Variants in TMPRSS6 observed in about 807,000 individuals in gnomAD.
TMPRSS6 encodes the protein transmembrane protease serine 6.
In TMPRSS6, 67 loss-of-function variants were observed where a neutral mutation model predicts 101.5. That is an observed-to-expected ratio of 0.66 (90% CI 0.54 to 0.81). The LOEUF (loss-of-function observed/expected upper bound fraction) is 0.81. Ranked by LOEUF, TMPRSS6 falls within the 30% of genes least tolerant of loss-of-function variation. The pLI is 0.00. For missense variants in TMPRSS6, 1,034 were observed against 1,088.7 expected, an observed-to-expected ratio of 0.95 and a Z score of 0.71; for synonymous variants, 453 against 464.9, an observed-to-expected ratio of 0.97 and a Z score of 0.33.
At chr22:37,090,668 A>T (rs577438084) in intron 6 of TMPRSS6, among the ~76,000 whole-genome samples, 39 of 152,316 alleles carry the variant, frequency 2.6e-4, no homozygotes, top group African/African-American at 9.4e-4. Context: ...GGCCAGACAC[A>T]TCTGGGTTTG....
chr22:37,066,310 G>A, intron 17 of TMPRSS6, 72 bp from the exon 18 acceptor site: 1 of 1,432,192 alleles, frequency 7.0e-7, no homozygotes, highest in Admixed American at 2.2e-5. Context: ...GAGCCATAGG[G>A]ATTAAGTCCT....
At chr22:37,071,297 C>T (rs900485931) in intron 13 of TMPRSS6, among the ~76,000 whole-genome samples, 1 of 152,104 alleles carries the variant, frequency 6.6e-6, no homozygotes, top group Non-Finnish European at 1.5e-5. Flanking sequence ...CATGCCTCCC[C>T]CTCCAGTGTG....
At position 37,101,940 on chromosome 22, in the gene TMPRSS6, C is replaced by T. The variant is rs1324256746; in HGVS notation, c.202+1276G>A. Among the ~76,000 whole-genome samples, 2 of 152,310 alleles carry T rather than the reference C, an allele frequency of 1.3e-5. No individual in the cohort carries two copies. The highest frequency in any genetic ancestry group is 6.5e-5 in the Admixed American group (1 of 15,306). On this transcript the variant is annotated intron_variant, in intron 2 of 17. Transcript: ENST00000676104. This position sits in a 1 kb window ranked among gnomAD's most constrained non-coding sequence, Gnocchi z 4.1. Reference sequence around the variant, plus strand: ...AAATGCACATGGCGTCTACTGCCTGCGTTGCTCAACTCTGGGTAGAATCAC... The same window carrying T: ...AAATGCACATGGCGTCTACTGCCTGTGTTGCTCAACTCTGGGTAGAATCAC...
At chr22:37,081,229 T>C (rs1430958485) in intron 10 of TMPRSS6, among the ~76,000 whole-genome samples, 6 of 152,224 alleles carry the variant, frequency 3.9e-5, no homozygotes, top group African/African-American at 1.4e-4. Context: ...GCACTTGACC[T>C]AAGCCCGCGT....
chr22:37,097,847 C>T (rs112038314), intron 3 of TMPRSS6, among the ~76,000 whole-genome samples: 2 of 89,026 alleles, frequency 2.2e-5, no homozygotes, highest in African/African-American at 4.6e-5. Context: ...GGGGGAAGAG[C>T]GGGCCACCGT....
chr22:37,066,718 G>T (rs1223362701), intron 17 of TMPRSS6, 108 bp downstream of exon 17: 1 of 1,472,498 alleles, frequency 6.8e-7, no homozygotes, highest in Non-Finnish European at 9.4e-7. Flanking sequence ...CACCTTGCTG[G>T]GAGGATGGGA....
intron 11 of TMPRSS6, 67 bp from the exon 12 acceptor site, chr22:37,074,775 G>A (rs566696914): frequency 1.6e-5 from 24 of 1,525,820 alleles, no homozygotes; most frequent in Middle Eastern, 1.7e-4. Context: ...CCGCGAAGGC[G>A]CACAAAGACA....
intron 16 of TMPRSS6, 112 bp from the exon 17 acceptor site, chr22:37,067,074 G>A: frequency 6.6e-7 from 1 of 1,512,926 alleles, no homozygotes; most frequent in Non-Finnish European, 9.0e-7. Flanking sequence ...CTCCTGCTCT[G>A]CCCACCCTTA....
At chr22:37,072,814 ATGAT>A (rs1487169618) in intron 13 of TMPRSS6, among the ~76,000 whole-genome samples, 1 of 138,346 alleles carries the variant, frequency 7.2e-6, no homozygotes, top group East Asian at 2.3e-4. Flanking sequence ...GGATGGATGG[ATGAT>A]GGATGGATGG....
At chr22:37,087,743 G>A (rs1345959377) in intron 7 of TMPRSS6, among the ~76,000 whole-genome samples, 4 of 152,114 alleles carry the variant, frequency 2.6e-5, no homozygotes, top group Non-Finnish European at 5.9e-5. Flanking sequence ...TGGGAGGTGG[G>A]AGATACGATA....
intron 1 of TMPRSS6, among the ~76,000 whole-genome samples, chr22:37,106,383 T>C (rs2235329): frequency 0.36 from 53,898 of 151,712 alleles, 10,409 homozygotes; most frequent in Non-Finnish European, 0.42. Context: ...TTGGTGGGCC[T>C]CCCCTCCCCT....
In TMPRSS6 at chr22:37,076,083, A is replaced by C. The variant is rs562037695; in HGVS notation, c.1197-803T>G. Among the ~76,000 whole-genome samples, 4 of 151,736 alleles carry C rather than the reference A, an allele frequency of 2.6e-5. No individual in the cohort carries two copies. In the East Asian group the frequency reaches 7.7e-4, roughly 29 times the overall value. On this transcript the variant is annotated intron_variant, in intron 10 of 17. Coordinates refer to ENST00000676104, the MANE Select transcript of TMPRSS6 (RefSeq NM_001374504.1). ...AAGAAAAAAGAAAAGAAAAGAAAGA[A>C]AGAGAAAGAAAGAAAGGAAAAATTA...
At position 37,096,095 on chromosome 22, in the gene TMPRSS6, G is replaced by C; in HGVS notation, c.405-5C>G. 1 of 1,614,114 alleles carries C rather than the reference G, an allele frequency of 6.2e-7. No individual in the cohort carries two copies. Among genetic ancestry groups the C allele is most frequent in the East Asian group, 2.2e-5 (1 of 44,882 alleles). ...AAGCAGGTGAGGGGTCCCTCCCTAA[G>C]GCAGGCAGAAGTGAGAGAGGCCAGG... On this transcript the variant is annotated splice_polypyrimidine_tract_variant and splice_region_variant and intron_variant, in intron 4 of 17. Transcript: ENST00000676104.
rs41283231 is a variant in TMPRSS6 at position 37,066,269 on chromosome 22, C to G, written c.2251-31G>C. The G allele has an allele frequency of 8.7e-5, 138 of 1,583,924 alleles. 2 individuals carry two copies. The South Asian group carries it at 1.5e-3, about 18-fold the overall frequency. On this transcript the variant is annotated intron_variant, in intron 17 of 17. Coordinates refer to ENST00000676104, the MANE Select transcript of TMPRSS6 (RefSeq NM_001374504.1). ...AGGGGGAAAGGAGAAAGGACTGAAGCAGGGTAAGGGCACCCCCTTTTCCAG... is the reference window on the plus strand; with the variant it reads ...AGGGGGAAAGGAGAAAGGACTGAAGGAGGGTAAGGGCACCCCCTTTTCCAG...
In TMPRSS6 at chr22:37,066,815, G is replaced by C; in HGVS notation, c.2250+11C>G. 1 of 1,614,056 alleles carries C rather than the reference G, an allele frequency of 6.2e-7. No individual in the cohort carries two copies. The highest frequency in any genetic ancestry group is 8.5e-7 in the Non-Finnish European group (1 of 1,179,980). On this transcript the variant is annotated intron_variant, in intron 17 of 17. Coordinates refer to ENST00000676104, the MANE Select transcript of TMPRSS6 (RefSeq NM_001374504.1). ...TCCCTCCTCTCTCCCTCCCATGCCC[G>C]GGGGACTCACCTGACAGGCATCCTT...
chr22:37,095,704 G>C (rs909069526), intron 5 of TMPRSS6, 112 bp from the exon 6 acceptor site: 6 of 1,297,642 alleles, frequency 4.6e-6, no homozygotes, highest in Non-Finnish European at 6.4e-6. Flanking sequence ...CCTTGTCTGA[G>C]ATTTACCCTA....
intron 1 of TMPRSS6, among the ~76,000 whole-genome samples, chr22:37,104,833 C>T (rs374895352): frequency 5.3e-5 from 8 of 151,932 alleles, no homozygotes; most frequent in African/African-American, 1.9e-4. Flanking sequence ...TGGTGGTGGG[C>T]ACCTGTAATC....
chr22:37,075,421 G>T, intron 10 of TMPRSS6, 141 bp from the exon 11 acceptor site: 1 of 1,137,340 alleles, frequency 8.8e-7, no homozygotes, highest in Non-Finnish European at 1.3e-6. Flanking sequence ...TTCTCCCTTA[G>T]ATGAGTGCAC....
intron 10 of TMPRSS6, among the ~76,000 whole-genome samples, chr22:37,083,361 C>T (rs944126757): frequency 3.9e-5 from 6 of 152,136 alleles, no homozygotes; most frequent in African/African-American, 1.4e-4. Flanking sequence ...TCTCCCCTTG[C>T]CCACCCTCCC....
Sources: allele counts gnomAD v4.1 joint callset (sites outside exome capture counted in the v4.1 genomes callset), GRCh38; gene constraint gnomAD v4.1.1; non-coding constraint Gnocchi (gnomAD v3.1); transcripts MANE v1.5; gene names NCBI Gene and HGNC (gene_info 2026-07-23, HGNC 2026-07-21).